Variants in ULK3 observed in about 807,000 individuals in gnomAD.
The protein encoded by ULK3 is serine/threonine-protein kinase ULK3.
In ULK3, 54 loss-of-function variants were observed where a neutral mutation model predicts 69.4. The ratio of observed to expected loss-of-function variants is 0.78; its 90% CI spans 0.63 to 0.98. The LOEUF is 0.98. Ranked by LOEUF, ULK3 falls within the 50% of genes least tolerant of loss-of-function variation. ULK3 has a pLI of 0.00. For synonymous variants in ULK3, 240 were observed against 254.5 expected (o/e 0.94, Z 0.54); for missense variants, 558 against 627.7 (o/e 0.89, Z 1.19).
intron 14 of ULK3, 104 bp downstream of exon 14, chr15:74,837,647 G>A: frequency 7.2e-7 from 1 of 1,384,874 alleles, no homozygotes; most frequent in Admixed American, 2.0e-5. Flanking sequence ...GCCTGCAGAG[G>A]AGGCGAGAGA....
chr15:74,839,526 TCAGCCCACCC>T (rs780366109), intron 7 of ULK3, 22 bp downstream of exon 7: 1 of 1,219,376 alleles, frequency 8.2e-7, no homozygotes. Flanking sequence ...CAGCCCACCC[TCAGCCCACCC>T]CAGCCCCAGC....
chr15:74,839,811 A>G (rs903378896), intron 6 of ULK3, 98 bp from the exon 7 acceptor site: 60 of 1,420,392 alleles, frequency 4.2e-5, no homozygotes, highest in Non-Finnish European at 5.2e-5. Flanking sequence ...TACGCGTTGG[A>G]CAGGTGGGGA....
rs2064298023 is a variant in ULK3, at chr15:74,842,551, C to G, written c.103-131G>C. 6.3e-7 allele frequency: 1 copy of G among 1,594,832 alleles called. No homozygotes were observed. The stretch of plus-strand genomic sequence containing the variant: ...CGGGTCTACCTACTGCACACCAGCA[C>G]CGGGCTTCCCAGCTTTCCCTTGTGA... On this transcript the variant is annotated intron_variant, in intron 1 of 15. Transcript: ENST00000440863. The surrounding 1 kb of genome is among the most constrained non-coding windows in gnomAD (Gnocchi z 4.9).
At chr15:74,841,343 G>T in intron 4 of ULK3, 62 bp downstream of exon 4, 3 of 1,417,902 alleles carry the variant, frequency 2.1e-6, no homozygotes, top group Non-Finnish European at 3.0e-6. Flanking sequence ...TGCTGAGTGA[G>T]CCCAGGCAGA....
At chr15:74,838,880 C>A in intron 9 of ULK3, 130 bp downstream of exon 9, 1 of 1,425,962 alleles carries the variant, frequency 7.0e-7, no homozygotes, top group Non-Finnish European at 9.6e-7. Context: ...TGTGGCTGGC[C>A]TGACCCATTC....
chr15:74,839,452 A>G lies in ULK3; in HGVS notation c.853-79T>C, dbSNP rs967781591. 6.5e-6 allele frequency: 10 copies of G among 1,541,820 alleles called. No individual in the cohort carries two copies. The African/African-American group carries it at 1.2e-4, about 19-fold the overall frequency. ...CCAAGATGGGAGATCAGCTCCCCTG[A>G]GCCCGCCCTCTGTCTCTGTTGGGTG... On this transcript the variant is annotated intron_variant, in intron 7 of 15. Transcript: ENST00000440863.
chr15:74,839,410 C>T (rs1344925521), intron 7 of ULK3, 37 bp from the exon 8 acceptor site: 5 of 1,549,630 alleles, frequency 3.2e-6, no homozygotes, highest in Non-Finnish European at 4.4e-6. Context: ...GTCCACCTCC[C>T]TACCCTCCCA....
intron 6 of ULK3, 67 bp from the exon 7 acceptor site, chr15:74,839,780 G>C (rs940598492): frequency 1.4e-6 from 2 of 1,453,550 alleles, no homozygotes; most frequent in Admixed American, 2.6e-5. Flanking sequence ...TAGCCCAGGG[G>C]TCTGCGAGGA....
intron 3 of ULK3, 35 bp from the exon 4 acceptor site, chr15:74,841,544 G>A: frequency 6.3e-7 from 1 of 1,592,542 alleles, no homozygotes; most frequent in South Asian, 1.1e-5. Flanking sequence ...AGACAGTTCA[G>A]AGCCCATTCC....
Position 74,839,711 on chromosome 15 carries a change from G to A in ULK3, c.699C>T (p.Leu233=). The A allele has an allele frequency of 6.5e-7, 1 of 1,541,738 alleles. No homozygotes were observed. Among genetic ancestry groups the A allele is most frequent in the Non-Finnish European group, 8.7e-7 (1 of 1,147,086 alleles). The part of the protein sequence containing the change: ...EKIRSNRVIE[L]PLRPLLSRDC... The stretch of plus-strand genomic sequence containing the variant: ...CTCGGGAGAGCAGGGGCCGCAAGGG[G>A]AGCTGCAGGGAAGGGAACGGCAGGG... The change falls in exon 7 of 16, where the codon CTC becomes CTT. Residue 233 remains leucine (L), a splice_region_variant and synonymous_variant. Transcript: ENST00000440863.
chr15:74,837,007 C>T lies in ULK3; in HGVS notation c.*221G>A, dbSNP rs768550280. 5.8e-6 allele frequency: 3 copies of T among 520,110 alleles called. No homozygotes were observed. The highest frequency in any genetic ancestry group is 9.8e-6 in the Non-Finnish European group (3 of 307,632). The allele number at this position is 520,110 out of a possible 1,614,324, so 32.2% of individuals were successfully genotyped here. Reference sequence around the variant, plus strand: ...GAAAGAAGTGCTGTTCTCCCAGAGTCCTGCCCTCCCCTCCAGTATACAGCA... The same window carrying T: ...GAAAGAAGTGCTGTTCTCCCAGAGTTCTGCCCTCCCCTCCAGTATACAGCA... On this transcript the variant is annotated 3_prime_UTR_variant, in exon 16 of 16. Transcript: ENST00000440863.
In ULK3 at chr15:74,837,039, T is replaced by G. The variant is rs2141128770; in HGVS notation, c.*189A>C. 1.4e-6 allele frequency: 1 copy of G among 723,894 alleles called. No individual in the cohort carries two copies. The highest frequency in any genetic ancestry group is 2.2e-6 in the Non-Finnish European group (1 of 462,340). 44.8% of individuals were successfully genotyped at this position (723,894 alleles called of 1,614,324 possible). On this transcript the variant is annotated 3_prime_UTR_variant, in exon 16 of 16. Coordinates refer to ENST00000440863, the MANE Select transcript of ULK3 (RefSeq NM_001099436.4). ...TCCCCTCCAGTATACAGCACAGCCA[T>G]CAAACCATCTGTGGGGTGCAGAGTA... is the stretch of plus-strand genomic sequence containing the variant.
At chr15:74,838,788 T>A in intron 9 of ULK3, 43 bp from the exon 10 acceptor site, 1 of 1,541,638 alleles carries the variant, frequency 6.5e-7, no homozygotes, top group Non-Finnish European at 8.8e-7. Context: ...TCTCACCAGC[T>A]ACCCTTGCCA....
In ULK3 at chr15:74,840,294, G is replaced by T. The variant is rs759800592; in HGVS notation, c.636C>A (p.Pro212=). ...ILYEALFGQP[P]FASRSFSELE... ...GCTCCGAGAACGACCTGGAGGCAAA[G>T]GGGGGCTGCCCGAAGAGGGCTTCTG... The change falls in exon 6 of 16, where the codon CCC becomes CCA. Residue 212 remains proline (P), a synonymous_variant. Coordinates refer to ENST00000440863, the MANE Select transcript of ULK3 (RefSeq NM_001099436.4). 1 of 1,610,560 alleles carries T rather than the reference G, an allele frequency of 6.2e-7. No individual in the cohort carries two copies.
In ULK3 at chr15:74,838,982, C is replaced by G. The variant is rs545798447; in HGVS notation, c.999+28G>C. The G allele has an allele frequency of 1.3e-5, 20 of 1,588,748 alleles. No homozygotes were observed. In the South Asian group the frequency reaches 1.8e-4, roughly 15 times the overall value. Reference sequence around the variant, plus strand: ...TCTCCGGGCCTTACCCCCTGCCCCCCCACTTCCTCATGGGGACTCTCACCC... The same window carrying G: ...TCTCCGGGCCTTACCCCCTGCCCCCGCACTTCCTCATGGGGACTCTCACCC... On this transcript the variant is annotated intron_variant, in intron 9 of 15. Transcript: ENST00000440863.
In ULK3 at chr15:74,837,114, A is replaced by T. The variant is rs2064040005; in HGVS notation, c.*114T>A. On this transcript the variant is annotated 3_prime_UTR_variant, in exon 16 of 16. Coordinates refer to ENST00000440863, the MANE Select transcript of ULK3 (RefSeq NM_001099436.4). ...GGATATGGGGGTCTCAGCACTGTCC[A>T]TCCAAGAAGCCTGCTCGCCAGGGCT... The T allele has an allele frequency of 1.4e-6, 2 of 1,411,458 alleles. No homozygotes were observed. Among genetic ancestry groups the T allele is most frequent in the African/African-American group, 2.9e-5 (2 of 69,520 alleles). 87.4% of individuals were successfully genotyped at this position (1,411,458 alleles called of 1,614,324 possible). A position where few individuals can be genotyped will look rare whatever the true frequency, so the allele number is the denominator to read the frequency against.
In ULK3 at chr15:74,842,438, T is replaced by C. The variant is rs2064291042; in HGVS notation, c.103-18A>G. 6.2e-7 allele frequency: 1 copy of C among 1,613,680 alleles called. No individual in the cohort carries two copies. Among genetic ancestry groups the C allele is most frequent in the Admixed American group, 1.7e-5 (1 of 60,010 alleles). On this transcript the variant is annotated intron_variant, in intron 1 of 15. Coordinates refer to ENST00000440863, the MANE Select transcript of ULK3 (RefSeq NM_001099436.4). This position sits in a 1 kb window ranked among gnomAD's most constrained non-coding sequence, Gnocchi z 4.9. Reference sequence around the variant, plus strand: ...GTGTCCTTCTGCGAGACAGGAGATTTGGGGACTCTGCCTTGAGGGGGCCAG... The same window carrying C: ...GTGTCCTTCTGCGAGACAGGAGATTCGGGGACTCTGCCTTGAGGGGGCCAG...
At position 74,839,710 on chromosome 15, in the gene ULK3, G is replaced by C. The variant is rs1209417557; in HGVS notation, c.700C>G (p.Pro234Ala). ...TCTCGGGAGAGCAGGGGCCGCAAGG[G>C]GAGCTGCAGGGAAGGGAACGGCAGG... ...KIRSNRVIEL[P>A]LRPLLSRDCR... is the part of the protein sequence containing the mutation. The change falls in exon 7 of 16, where the codon CCC becomes GCC. Residue 234 changes from proline to alanine, a missense_variant. Transcript: ENST00000440863. The C allele has an allele frequency of 1.9e-5, 30 of 1,541,460 alleles. No individual in the cohort carries two copies. The highest frequency in any genetic ancestry group is 2.5e-5 in the Non-Finnish European group (29 of 1,146,932).
intron 9 of ULK3, 25 bp downstream of exon 9, chr15:74,838,985 C>A (rs1042167517): frequency 2.1e-5 from 33 of 1,590,736 alleles, no homozygotes; most frequent in Middle Eastern, 1.7e-4. Flanking sequence ...TGCCCCCCCA[C>A]TTCCTCATGG....
Sources: allele counts gnomAD v4.1 joint callset, GRCh38; gene constraint gnomAD v4.1.1; non-coding constraint Gnocchi (gnomAD v3.1); transcripts MANE v1.5; gene names NCBI Gene and HGNC (gene_info 2026-07-23, HGNC 2026-07-21).